SCG2: variants seen among roughly 807,000 people sequenced by gnomAD.
SCG2 encodes the protein secretogranin-2.
Under a neutral mutation model 49.5 loss-of-function variants are expected in SCG2, and 23 were observed. The ratio of observed to expected loss-of-function variants is 0.46; its 90% CI spans 0.33 to 0.66. The LOEUF (loss-of-function observed/expected upper bound fraction) is 0.66, where lower values mean the gene tolerates loss of function less well. Among genes scored for constraint, SCG2 ranks in the 30% least tolerant of loss-of-function variants. The pLI is 0.01. For missense variants in SCG2, 730 were observed against 728.2 expected (o/e 1.00, Z -0.03); for synonymous variants, 288 against 260.4 (o/e 1.11, Z -1.02).
Position 223,598,000 on chromosome 2 carries a change from G to C in SCG2, c.1283C>G (p.Pro428Arg), listed in dbSNP as rs1247924050. ...TPGRAGTEALPDGLSVEDILN... is the reference protein window; with the variant it reads ...TPGRAGTEALRDGLSVEDILN... ...AATATCCTCAACACTGAGCCCGTCTGGTAGGGCCTCAGTCCCAGCACGACC... is the reference window on the plus strand; with the variant it reads ...AATATCCTCAACACTGAGCCCGTCTCGTAGGGCCTCAGTCCCAGCACGACC... Residue 428 changes from proline to arginine, a missense_variant, in exon 2 of 2, where the codon CCA becomes CGA. Coordinates refer to ENST00000305409, the MANE Select transcript of SCG2 (RefSeq NM_003469.5). 1 of 1,613,848 alleles carries C rather than the reference G, an allele frequency of 6.2e-7. No individual in the cohort carries two copies. Among genetic ancestry groups the C allele is most frequent in the Admixed American group, 1.7e-5 (1 of 59,970 alleles).
Position 223,598,526 on chromosome 2 carries a change from C to G in SCG2, c.757G>C (p.Val253Leu), listed in dbSNP as rs1263757223. ...DVVGGEDWNP[V>L]EEKIESQTQE... ...GTTTGACTCTCTATTTTCTCCTCTA[C>G]TGGGTTCCAGTCTTCTCCCCCGACC... The change falls in exon 2 of 2, where the codon GTA becomes CTA. Residue 253 changes from valine (V) to leucine (L), a missense_variant. Coordinates refer to ENST00000305409, the MANE Select transcript of SCG2 (RefSeq NM_003469.5). The G allele has an allele frequency of 6.2e-7, 1 of 1,613,986 alleles. No homozygotes were observed. The highest frequency in any genetic ancestry group is 8.5e-7 in the Non-Finnish European group (1 of 1,180,034).
Position 223,598,054 on chromosome 2 carries a change from A to G in SCG2, c.1229T>C (p.Leu410Pro). ...TGTTTTAGGGTAGCCACTCTTGGAGAGCATCCTATTTTGGAACAGGTCTGG... is the reference window on the plus strand; with the variant it reads ...TGTTTTAGGGTAGCCACTCTTGGAGGGCATCCTATTTTGGAACAGGTCTGG... Reference protein sequence around the residue: ...DHPDLFQNRMLSKSGYPKTPG... With the variant: ...DHPDLFQNRMPSKSGYPKTPG... Residue 410 changes from leucine to proline, a missense_variant, in exon 2 of 2, where the codon CTC (leucine) becomes CCC (proline). Physicochemically the swap from Leu to Pro is moderately conservative, Grantham distance 98. Coordinates refer to ENST00000305409, the MANE Select transcript of SCG2 (RefSeq NM_003469.5). 2 of 1,606,314 alleles carry G rather than the reference A, an allele frequency of 1.2e-6. No individual in the cohort carries two copies. Among genetic ancestry groups the G allele is most frequent in the Middle Eastern group, 3.3e-4 (2 of 5,986 alleles).
At position 223,597,631 on chromosome 2, in the gene SCG2, A is replaced by G. The variant is rs370764755; in HGVS notation, c.1652T>C (p.Leu551Ser). ...AGTCTCCTGAGAGCTGCCTTGATTC[A>G]AATGCTCTTTGATGGCCTGCTCAAT... ...EQIEQAIKEH[L>S]NQGSSQETDK... The change falls in exon 2 of 2, where the codon TTG (leucine) becomes TCG (serine). Residue 551 changes from leucine to serine, a missense_variant. Physicochemically the swap from Leu to Ser is moderately radical, Grantham distance 145 (BLOSUM62 -2). Coordinates refer to ENST00000305409, the MANE Select transcript of SCG2 (RefSeq NM_003469.5). 2.5e-6 allele frequency: 4 copies of G among 1,613,846 alleles called. No individual in the cohort carries two copies. The highest frequency in any genetic ancestry group is 2.5e-6 in the Non-Finnish European group (3 of 1,179,980).
At chr2:223,600,413 G>A (rs868673389) in intron 1 of SCG2, among the ~76,000 whole-genome samples, 2 of 152,022 alleles carry the variant, frequency 1.3e-5, no homozygotes, top group Non-Finnish European at 2.9e-5. Flanking sequence ...TATTTCCTCC[G>A]ATGCCTTAAA....
rs986919831 is a variant in SCG2, at chr2:223,598,351, A to T, written c.932T>A (p.Ile311Asn). 4.3e-6 allele frequency: 7 copies of T among 1,613,952 alleles called. No homozygotes were observed. The highest frequency in any genetic ancestry group is 5.9e-6 in the Non-Finnish European group (7 of 1,180,010). The change falls in exon 2 of 2, where the codon ATT becomes AAT. Residue 311 changes from isoleucine to asparagine, a missense_variant. By Grantham distance (149) the Ile-to-Asn change is moderately radical. Transcript: ENST00000305409. ...DQLSDDVSKV[I>N]AYLKRLVNAA... ...ATTTACTAACCTTTTCAAATAGGCA[A>T]TTACTTTGGAGACATCATCTGAGAG...
In SCG2 at chr2:223,602,270, G is replaced by A. The variant is rs1404315152; in HGVS notation, c.-15+15C>T. 1.3e-5 allele frequency: 2 copies of A among 152,124 alleles called. No individual in the cohort carries two copies. The highest frequency in any genetic ancestry group is 2.9e-5 in the Non-Finnish European group (2 of 68,038). The allele number at this position is 152,124 out of a possible 1,614,324, so 9.4% of individuals were successfully genotyped here. A position where few individuals can be genotyped will look rare whatever the true frequency, so the allele number is the denominator to read the frequency against. On this transcript the variant is annotated intron_variant, in intron 1 of 1. Coordinates refer to ENST00000305409, the MANE Select transcript of SCG2 (RefSeq NM_003469.5). The stretch of plus-strand genomic sequence containing the variant: ...TTGGAACTTTCCAATAAATCAAAGA[G>A]AAAAGCAGCCTTACCTCTTTTTGTT...
In SCG2 at chr2:223,598,702, C is replaced by T. The variant is rs372603244; in HGVS notation, c.581G>A (p.Ser194Asn). ...EIVEEQYTPQSLATLESVFQE... is the reference protein window; with the variant it reads ...EIVEEQYTPQNLATLESVFQE... ...GAAGACAGATTCCAATGTAGCAAGG[C>T]TTTGAGGAGTATATTGTTCCTCCAC... The change falls in exon 2 of 2, where the codon AGC becomes AAC. Residue 194 changes from serine to asparagine, a missense_variant. Ser to Asn is a conservative substitution (Grantham distance 46). Coordinates refer to ENST00000305409, the MANE Select transcript of SCG2 (RefSeq NM_003469.5). The T allele has an allele frequency of 2.9e-5, 47 of 1,613,760 alleles. No homozygotes were observed. In the African/African-American group the frequency reaches 5.5e-4, roughly 19 times the overall value.
rs1334685326 is a variant in SCG2 at position 223,597,595 on chromosome 2, G to A, written c.1688C>T (p.Ala563Val). Residue 563 changes from alanine to valine, a missense_variant, in exon 2 of 2, where the codon GCC becomes GTC. Physicochemically the swap from Ala to Val is moderately conservative, Grantham distance 64. Transcript: ENST00000305409. ...QGSSQETDKL[A>V]PVSKRFPVGP... The stretch of plus-strand genomic sequence containing the variant: ...CACAGGGAACCTTTTGCTCACCGGG[G>A]CCAGCTTGTCAGTCTCCTGAGAGCT... 2 of 1,613,926 alleles carry A rather than the reference G, an allele frequency of 1.2e-6. No individual in the cohort carries two copies. The highest frequency in any genetic ancestry group is 1.7e-5 in the Admixed American group (1 of 59,986).
At position 223,598,630 on chromosome 2, in the gene SCG2, C is replaced by G; in HGVS notation, c.653G>C (p.Arg218Thr). The change falls in exon 2 of 2, where the codon AGG (arginine) becomes ACG (threonine). Residue 218 changes from arginine to threonine, a missense_variant. Coordinates refer to ENST00000305409, the MANE Select transcript of SCG2 (RefSeq NM_003469.5). ...LTGPNNQKRE[R>T]MDEEQKLYTD... ...ATAAAGTTTTTGCTCCTCATCCATC[C>G]TCTCACGTTTCTGGTTGTTTGGTCC... 6.2e-7 allele frequency: 1 copy of G among 1,614,086 alleles called. No homozygotes were observed. The highest frequency in any genetic ancestry group is 1.1e-5 in the South Asian group (1 of 91,070).
In SCG2 at chr2:223,597,642, G is replaced by A; in HGVS notation, c.1641C>T (p.Ile547=). 6.2e-7 allele frequency: 1 copy of A among 1,614,078 alleles called. No homozygotes were observed. Among genetic ancestry groups the A allele is most frequent in the Non-Finnish European group, 8.5e-7 (1 of 1,180,022 alleles). Residue 547 remains isoleucine, a synonymous_variant, in exon 2 of 2, where the codon ATC becomes ATT. Transcript: ENST00000305409. ...LQEEEQIEQA[I]KEHLNQGSSQ... ...AGCTGCCTTGATTCAAATGCTCTTT[G>A]ATGGCCTGCTCAATTTGTTCCTCTT...
At position 223,597,264 on chromosome 2, in the gene SCG2, G is replaced by T; in HGVS notation, c.*165C>A. On this transcript the variant is annotated 3_prime_UTR_variant, in exon 2 of 2. Coordinates refer to ENST00000305409, the MANE Select transcript of SCG2 (RefSeq NM_003469.5). The stretch of plus-strand genomic sequence containing the variant: ...ACACATATCCATACACAAGATAACA[G>T]CTCAGAGGAAATGAAGCAGACTCCC... The T allele has an allele frequency of 2.6e-6, 2 of 768,896 alleles. No homozygotes were observed. Among genetic ancestry groups the T allele is most frequent in the East Asian group, 2.7e-5 (1 of 37,004 alleles). The allele number at this position is 768,896 out of a possible 1,614,324, so 47.6% of individuals were successfully genotyped here. A position where few individuals can be genotyped will look rare whatever the true frequency, so the allele number is the denominator to read the frequency against.
rs1180976423 is a variant in SCG2 at position 223,599,254 on chromosome 2, C to T, written c.29G>A (p.Gly10Glu). The T allele has an allele frequency of 4.4e-6, 7 of 1,591,916 alleles. No homozygotes were observed. Among genetic ancestry groups the T allele is most frequent in the Non-Finnish European group, 5.2e-6 (6 of 1,163,086 alleles). The change falls in exon 2 of 2, where the codon GGA becomes GAA. Residue 10 changes from glycine to glutamate, a missense_variant. By Grantham distance (98) the Gly-to-Glu change is moderately conservative. Coordinates refer to ENST00000305409, the MANE Select transcript of SCG2 (RefSeq NM_003469.5). The stretch of plus-strand genomic sequence containing the variant: ...TAAAGGGATAAGAGACAGGGCTGCT[C>T]CAAGCCAGTGGGTCTTTGCTTCAGC... The part of the protein sequence containing the change: MAEAKTHWL[G>E]AALSLIPLIF...
At chr2:223,600,018 C>T (rs2106114947) in intron 1 of SCG2, among the ~76,000 whole-genome samples, 1 of 152,236 alleles carries the variant, frequency 6.6e-6, no homozygotes, top group Admixed American at 6.5e-5. Flanking sequence ...TAGACTAAAC[C>T]AATGAAGTTT....
In SCG2 at chr2:223,599,742, G is replaced by A. The variant is rs16864979; in HGVS notation, c.-14-446C>T. Reference sequence around the variant, plus strand: ...TTAAAACATGCATTTACACATACGCGCCCACAAATTATGTCCTTAAAGTTG... The same window carrying A: ...TTAAAACATGCATTTACACATACGCACCCACAAATTATGTCCTTAAAGTTG... On this transcript the variant is annotated intron_variant, in intron 1 of 1. Transcript: ENST00000305409. 1.7e-3 allele frequency among the ~76,000 whole-genome samples: 261 copies of A among 152,100 alleles called. 3 individuals are homozygous for A. In the East Asian group the frequency reaches 0.027, roughly 16 times the overall value.
chr2:223,599,261 A>G lies in SCG2; in HGVS notation c.22T>C (p.Trp8Arg). The change falls in exon 2 of 2, where the codon TGG (tryptophan) becomes CGG (arginine). Residue 8 changes from tryptophan (W) to arginine (R), a missense_variant. Transcript: ENST00000305409. MAEAKTH[W>R]LGAALSLIPL... is the part of the protein sequence containing the mutation. ...ATAAGAGACAGGGCTGCTCCAAGCC[A>G]GTGGGTCTTTGCTTCAGCCATGTTT... 2 of 1,586,786 alleles carry G rather than the reference A, an allele frequency of 1.3e-6. No homozygotes were observed. The highest frequency in any genetic ancestry group is 1.7e-6 in the Non-Finnish European group (2 of 1,160,558).
rs1172954080 is a variant in SCG2 at position 223,598,716 on chromosome 2, T to C, written c.567A>G (p.Gln189=). 1.2e-6 allele frequency: 2 copies of C among 1,613,770 alleles called. No homozygotes were observed. Among genetic ancestry groups the C allele is most frequent in the Non-Finnish European group, 1.7e-6 (2 of 1,180,042 alleles). The change falls in exon 2 of 2, where the codon CAA becomes CAG. Residue 189 remains glutamine (Q), a synonymous_variant. Transcript: ENST00000305409. ...ATGTAGCAAGGCTTTGAGGAGTATA[T>C]TGTTCCTCCACTATTTCATTTGTGC... The part of the protein sequence containing the change: ...FKRTNEIVEE[Q]YTPQSLATLE...
At position 223,597,539 on chromosome 2, in the gene SCG2, T is replaced by C; in HGVS notation, c.1744A>G (p.Arg582Gly). ...AACAGATCTTCATCCCAGTACTGCC[T>C]ATTTGGGGTATCATCATTCTTCGGG... Reference protein sequence around the residue: ...GPPKNDDTPNRQYWDEDLLMK... With the variant: ...GPPKNDDTPNGQYWDEDLLMK... Residue 582 changes from arginine (R) to glycine (G), a missense_variant, in exon 2 of 2, where the codon AGG becomes GGG. Coordinates refer to ENST00000305409, the MANE Select transcript of SCG2 (RefSeq NM_003469.5). The C allele has an allele frequency of 6.2e-7, 1 of 1,614,182 alleles. No homozygotes were observed. Among genetic ancestry groups the C allele is most frequent in the Non-Finnish European group, 8.5e-7 (1 of 1,180,034 alleles).
At position 223,597,451 on chromosome 2, in the gene SCG2, T is replaced by C; in HGVS notation, c.1832A>G (p.Lys611Arg). The change falls in exon 2 of 2, where the codon AAG (lysine) becomes AGG (arginine). Residue 611 changes from lysine (K) to arginine (R), a missense_variant. Coordinates refer to ENST00000305409, the MANE Select transcript of SCG2 (RefSeq NM_003469.5). ...KAEKGREHIA[K>R]RAMENM ...AGCTTACATATTTTCCATTGCTCTCTTAGCAATATGCTCCCTTCCCTTTTC... is the reference window on the plus strand; with the variant it reads ...AGCTTACATATTTTCCATTGCTCTCCTAGCAATATGCTCCCTTCCCTTTTC... 1.9e-6 allele frequency: 3 copies of C among 1,606,694 alleles called. No homozygotes were observed. The highest frequency in any genetic ancestry group is 4.5e-5 in the East Asian group (2 of 44,746).
chr2:223,597,943 T>C lies in SCG2; in HGVS notation c.1340A>G (p.Asn447Ser). Reference protein sequence around the residue: ...LNLLGMESAANQKTSYFPNPY... With the variant: ...LNLLGMESAASQKTSYFPNPY... ...ATTGGGAAAATACGACGTTTTCTGATTTGCTGCACTCTCCATCCCTAAAAG... is the reference window on the plus strand; with the variant it reads ...ATTGGGAAAATACGACGTTTTCTGACTTGCTGCACTCTCCATCCCTAAAAG... The change falls in exon 2 of 2, where the codon AAT becomes AGT. Residue 447 changes from asparagine (N) to serine (S), a missense_variant. Transcript: ENST00000305409. The C allele has an allele frequency of 6.2e-7, 1 of 1,614,142 alleles. No homozygotes were observed. Among genetic ancestry groups the C allele is most frequent in the South Asian group, 1.1e-5 (1 of 91,078 alleles).
Sources: allele counts gnomAD v4.1 joint callset (sites outside exome capture counted in the v4.1 genomes callset), GRCh38; gene constraint gnomAD v4.1.1; transcripts MANE v1.5; gene names NCBI Gene and HGNC (gene_info 2026-07-23, HGNC 2026-07-21).